The following RIGI variants were observed in gnomAD, a reference collection of about 807,000 sequenced individuals.
RIGI encodes RNA sensor RIG-I.
the RIGI span, chr9:32,466,253 T>C: frequency 5.6e-6 from 9 of 1,607,028 alleles, no homozygotes; most frequent in East Asian, 1.3e-4. Flanking sequence ...CTGATAGTTA[T>C]TTATGGTCAG....
chr9:32,511,568 A>T, the RIGI span, among the ~76,000 whole-genome samples: 1 of 152,366 alleles, frequency 6.6e-6, no homozygotes, highest in South Asian at 2.1e-4. Context: ...AATCTCTGGG[A>T]CACATTTAAA....
At chr9:32,523,071 C>T in the RIGI span, among the ~76,000 whole-genome samples, 1 of 152,112 alleles carries the variant, frequency 6.6e-6, no homozygotes, top group African/African-American at 2.4e-5. Flanking sequence ...GTCCATTTTC[C>T]AACACCTAGT....
chr9:32,498,259 G>C, the RIGI span: 1 of 456,686 alleles, frequency 2.2e-6, no homozygotes, highest in South Asian at 1.5e-5. Flanking sequence ...CTTGGATCTT[G>C]CTAACACTGC....
chr9:32,457,880 TTAGAG>T, the RIGI span, among the ~76,000 whole-genome samples: 9 of 152,224 alleles, frequency 5.9e-5, no homozygotes, highest in Non-Finnish European at 1.3e-4. Flanking sequence ...AGAGTCAACT[TTAGAG>T]TAAACAGCTC....
chr9:32,473,192 C>A, the RIGI span: 2 of 514,964 alleles, frequency 3.9e-6, no homozygotes, highest in South Asian at 6.4e-5. Flanking sequence ...GACTGACAAA[C>A]CTGAGAAAAA....
chr9:32,492,530 A>C, the RIGI span: 2 of 1,614,192 alleles, frequency 1.2e-6, no homozygotes, highest in Non-Finnish European at 1.7e-6. Flanking sequence ...TCCCCTTAGT[A>C]GAGCAAATCT....
chr9:32,464,073 G>C, the RIGI span, among the ~76,000 whole-genome samples: 5 of 151,598 alleles, frequency 3.3e-5, no homozygotes, highest in Non-Finnish European at 5.9e-5. Flanking sequence ...GAGTGCTCTA[G>C]TGACAGCAGG....
the RIGI span, among the ~76,000 whole-genome samples, chr9:32,516,777 G>A: frequency 2.6e-5 from 4 of 152,192 alleles, no homozygotes; most frequent in Non-Finnish European, 4.4e-5. Context: ...GGCCAAGTTA[G>A]TGTCTTTTTT....
At chr9:32,509,536 G>A in the RIGI span, among the ~76,000 whole-genome samples, 1 of 152,034 alleles carries the variant, frequency 6.6e-6, no homozygotes, top group East Asian at 1.9e-4. Flanking sequence ...TAACAAACAG[G>A]AATATCATCA....
chr9:32,497,312 T>C, the RIGI span, among the ~76,000 whole-genome samples: 2 of 152,240 alleles, frequency 1.3e-5, no homozygotes, highest in Non-Finnish European at 2.9e-5. Flanking sequence ...ATAAATGGAA[T>C]TGTTACCTTA....
the RIGI span, among the ~76,000 whole-genome samples, chr9:32,505,482 C>T: frequency 6.6e-6 from 1 of 152,152 alleles, no homozygotes; most frequent in African/African-American, 2.4e-5. Flanking sequence ...CAGGCACAAA[C>T]ATAGGCTGTC....
At chr9:32,479,915 T>A in the RIGI span, among the ~76,000 whole-genome samples, 4 of 151,916 alleles carry the variant, frequency 2.6e-5, no homozygotes, top group Non-Finnish European at 5.9e-5. Flanking sequence ...TAAAGCTTTA[T>A]AAAATTACTA....
chr9:32,468,501 A>G, the RIGI span, among the ~76,000 whole-genome samples: 2 of 152,128 alleles, frequency 1.3e-5, no homozygotes, highest in African/African-American at 4.8e-5. Context: ...ACCCATCTCT[A>G]CAAAAAATTT....
chr9:32,472,961 CTATA>C, the RIGI span: 1 of 1,587,590 alleles, frequency 6.3e-7, no homozygotes, highest in South Asian at 1.1e-5. Flanking sequence ...ATCTAATTCA[CTATA>C]TATAAATACC....
chr9:32,467,906 T>A, the RIGI span: 2 of 1,608,310 alleles, frequency 1.2e-6, no homozygotes, highest in Non-Finnish European at 1.7e-6. Flanking sequence ...GCATCCAATA[T>A]ACACTTCTGT....
chr9:32,513,358 T>C, the RIGI span, among the ~76,000 whole-genome samples: 141 of 152,310 alleles, frequency 9.3e-4, 1 homozygote, highest in Non-Finnish European at 1.2e-4. Flanking sequence ...AGCATGGTAC[T>C]GCTACCAAAA....
At chr9:32,467,375 ATAGT>A in the RIGI span, among the ~76,000 whole-genome samples, 3,874 of 152,256 alleles carry the variant, frequency 0.025, 150 homozygotes, top group African/African-American at 0.087. Flanking sequence ...GGAGGAAAGA[ATAGT>A]TAGGAGACTA....
the RIGI span, among the ~76,000 whole-genome samples, chr9:32,516,289 C>T: frequency 1.3e-5 from 2 of 152,168 alleles, no homozygotes; most frequent in Admixed American, 6.6e-5. Flanking sequence ...GGAGTTGAGA[C>T]TAATCTCTCA....
At chr9:32,510,205 C>T in the RIGI span, among the ~76,000 whole-genome samples, 1 of 152,104 alleles carries the variant, frequency 6.6e-6, no homozygotes, top group Non-Finnish European at 1.5e-5. Context: ...CCTAGCAATA[C>T]AGGCCAACAT....
Sources: gnomAD v4.1 joint callset for allele counts (sites outside exome capture counted in the v4.1 genomes callset) on GRCh38, gnomAD v4.1.1 for gene constraint, MANE v1.5 for transcripts, NCBI Gene and HGNC (gene_info 2026-07-23, HGNC 2026-07-21) for gene names.